The following DTNA variants were observed in gnomAD, a reference collection of about 807,000 sequenced individuals.
DTNA encodes dystrophin-related protein 3.
In DTNA, 43 loss-of-function variants were observed where a neutral mutation model predicts 100.7. The observed-to-expected ratio is 0.43, with a 90% CI of 0.33 to 0.55. The LOEUF (loss-of-function observed/expected upper bound fraction) is 0.55, where lower values mean the gene tolerates loss of function less well. Among genes scored for constraint, DTNA ranks in the 20% least tolerant of loss-of-function variants. The pLI, the probability that DTNA is intolerant of heterozygous loss-of-function variation, is 0.04. For missense variants in DTNA, 798 were observed against 953.9 expected, an observed-to-expected ratio of 0.84 and a Z score of 2.15; for synonymous variants, 349 against 347.9, an observed-to-expected ratio of 1.00 and a Z score of -0.04.
intron 1 of DTNA, among the ~76,000 whole-genome samples, chr18:34,515,354 G>A (rs1035922279): frequency 2.6e-5 from 4 of 152,024 alleles, no homozygotes; most frequent in Non-Finnish European, 5.9e-5. Flanking sequence ...TGCATCTCCA[G>A]TTTTAACTTC....
intron 1 of DTNA, among the ~76,000 whole-genome samples, chr18:34,686,609 T>C (rs781669391): frequency 7.9e-5 from 12 of 152,184 alleles, no homozygotes; most frequent in Admixed American, 5.2e-4. Flanking sequence ...CTTTTTTTGT[T>C]GTGTCCCTGC....
intron 1 of DTNA, among the ~76,000 whole-genome samples, chr18:34,584,508 T>C (rs183878527): frequency 8.9e-4 from 136 of 151,998 alleles, no homozygotes; most frequent in African/African-American, 2.8e-3. Context: ...AATAATATAA[T>C]CAACAGAACA....
At chr18:34,517,384 A>C (rs1258098811) in intron 1 of DTNA, among the ~76,000 whole-genome samples, 2 of 152,130 alleles carry the variant, frequency 1.3e-5, no homozygotes, top group African/African-American at 4.8e-5. Context: ...CAAAACTGTA[A>C]TAAAATATCA....
chr18:34,625,313 GCCA>G (rs2057167730), intron 1 of DTNA, among the ~76,000 whole-genome samples: 1 of 152,174 alleles, frequency 6.6e-6, no homozygotes. Flanking sequence ...ACAGGTGTGA[GCCA>G]CCACGCCTGG....
chr18:34,735,011 C>T (rs1459020162), intron 1 of DTNA, among the ~76,000 whole-genome samples: 6 of 152,078 alleles, frequency 3.9e-5, no homozygotes, highest in African/African-American at 1.4e-4. Context: ...CTGTATTAGT[C>T]AGGGTTGTCT....
At chr18:34,709,986 A>G (rs550184633), upstream of DTNA, among the ~76,000 whole-genome samples, 37 of 152,354 alleles carry the variant, frequency 2.4e-4, no homozygotes, top group South Asian at 5.4e-3. Context: ...GATGTAGTAG[A>G]TAATGATCAG....
At chr18:34,578,044 CT>C (rs1236386781) in intron 1 of DTNA, among the ~76,000 whole-genome samples, 1 of 151,550 alleles carries the variant, frequency 6.6e-6, no homozygotes, top group Non-Finnish European at 1.5e-5. Flanking sequence ...AATGTCCACA[CT>C]GTTTTCCATA....
At chr18:34,843,453 A>G (rs1284334610) in intron 13 of DTNA, among the ~76,000 whole-genome samples, 2 of 152,170 alleles carry the variant, frequency 1.3e-5, no homozygotes, top group Non-Finnish European at 2.9e-5. Flanking sequence ...CTTGAACAAC[A>G]GAAATTTATT....
intron 1 of DTNA, among the ~76,000 whole-genome samples, chr18:34,668,174 ATT>A (rs1166206791): frequency 1.3e-5 from 2 of 152,140 alleles, no homozygotes; most frequent in African/African-American, 4.8e-5. Context: ...GTGTTGAGGA[ATT>A]TATCCATTTC....
intron 1 of DTNA, among the ~76,000 whole-genome samples, chr18:34,658,445 C>T (rs551810144): frequency 3.9e-5 from 6 of 152,250 alleles, no homozygotes; most frequent in South Asian, 2.1e-4. Context: ...CTCTGCCCCC[C>T]GGGTTCAAGT....
intron 22 of DTNA, among the ~76,000 whole-genome samples, chr18:34,885,996 C>T (rs1333736208): frequency 1.3e-5 from 2 of 152,150 alleles, no homozygotes; most frequent in Admixed American, 6.5e-5. Context: ...CATGGTAGTT[C>T]AAAGCTAATA....
chr18:34,644,363 ATTAG>A (rs2059612225), intron 1 of DTNA, among the ~76,000 whole-genome samples: 1 of 152,168 alleles, frequency 6.6e-6, no homozygotes, highest in Admixed American at 6.5e-5. Context: ...GTTTATGTTT[ATTAG>A]TTGAGGTACA....
intron 1 of DTNA, among the ~76,000 whole-genome samples, chr18:34,682,543 G>C (rs1431619906): frequency 1.3e-5 from 2 of 152,142 alleles, no homozygotes; most frequent in African/African-American, 4.8e-5. Context: ...TTTGATGTCA[G>C]TGTTTTAGAA....
chr18:34,858,253 C>A, intron 15 of DTNA, 32 bp from the exon 16 acceptor site: 1 of 1,606,370 alleles, frequency 6.2e-7, no homozygotes, highest in South Asian at 1.1e-5. Flanking sequence ...GCTAACTAAC[C>A]TTGGTTTCTC....
chr18:34,887,741 A>C, intron 22 of DTNA, 25 bp from the exon 23 acceptor site: 1 of 985,510 alleles, frequency 1.0e-6, no homozygotes, highest in Non-Finnish European at 1.2e-6. Context: ...ATCTTTAAAA[A>C]AAATTACACA....
intron 1 of DTNA, among the ~76,000 whole-genome samples, chr18:34,677,296 C>A (rs2077507343): frequency 6.6e-6 from 1 of 152,156 alleles, no homozygotes; most frequent in Admixed American, 6.5e-5. Context: ...GTGTCTCCAT[C>A]TGAGCATTGT....
chr18:34,680,949 C>T (rs2078019509), intron 1 of DTNA, among the ~76,000 whole-genome samples: 1 of 152,072 alleles, frequency 6.6e-6, no homozygotes, highest in Admixed American at 6.6e-5. Flanking sequence ...AGAGCCTCTC[C>T]TCCCCTCCTA....
chr18:34,806,487 G>A (rs757664756), intron 5 of DTNA, among the ~76,000 whole-genome samples, 183 bp downstream of exon 5: 1 of 152,136 alleles, frequency 6.6e-6, no homozygotes, highest in Non-Finnish European at 1.5e-5. Context: ...TTAGATAAAT[G>A]CTAATGAAAT....
At chr18:34,595,444 G>C (rs1335632072) in intron 1 of DTNA, among the ~76,000 whole-genome samples, 1 of 151,780 alleles carries the variant, frequency 6.6e-6, no homozygotes, top group Non-Finnish European at 1.5e-5. Flanking sequence ...GTTAAACTAT[G>C]TGGCCAAATA....
Sources: gnomAD v4.1 joint callset for allele counts (sites outside exome capture counted in the v4.1 genomes callset) on GRCh38, gnomAD v4.1.1 for gene constraint, MANE v1.5 for transcripts, NCBI Gene and HGNC (gene_info 2026-07-23, HGNC 2026-07-21) for gene names.